DSTYK: variants seen among roughly 807,000 people sequenced by gnomAD.
DSTYK encodes the protein dual serine/threonine and tyrosine protein kinase, also known as RIP-homologous kinase.
Under a neutral mutation model 98.7 loss-of-function variants are expected in DSTYK, and 34 were observed. The ratio of observed to expected loss-of-function variants is 0.34; its 90% confidence interval spans 0.26 to 0.46. DSTYK has a LOEUF of 0.46. Ranked by LOEUF, DSTYK falls within the 20% of genes least tolerant of loss-of-function variation. The pLI is 1.00. For synonymous variants in DSTYK, 462 were observed against 457.3 expected, an observed-to-expected ratio of 1.01 and a Z score of -0.13; for missense variants, 962 against 1,181.7, an observed-to-expected ratio of 0.81 and a Z score of 2.73.
chr1:205,186,038 A>G (rs1177526331), intron 2 of DSTYK, among the ~76,000 whole-genome samples: 1 of 152,074 alleles, frequency 6.6e-6, no homozygotes, highest in African/African-American at 2.4e-5. Context: ...AGAAAAAAAG[A>G]AAAGAAAAAA....
intron 2 of DSTYK, chr1:205,173,035 A>G (rs1300388057): frequency 6.6e-6 from 1 of 152,238 alleles, no homozygotes; most frequent in Non-Finnish European, 1.5e-5. Context: ...TAGAACATAC[A>G]ACTGCATAAA....
rs1659360480 is a variant in DSTYK, at chr1:205,211,135, GGGGACCCGGCCACACGACACGACT to G, written c.265+112_265+135del. The G allele has an allele frequency of 6.9e-6, 9 of 1,309,860 alleles. No individual in the cohort carries two copies. In the South Asian group the frequency reaches 1.4e-4, roughly 21 times the overall value. 81.1% of individuals were successfully genotyped at this position (1,309,860 alleles called of 1,614,324 possible). A position where few individuals can be genotyped will look rare whatever the true frequency, so the allele number is the denominator to read the frequency against. On this transcript the variant is annotated intron_variant, in intron 1 of 12. Transcript: ENST00000367162. ...TCCCAGATCCGGCCGGCCCATGCCC[GGGGACCCGGCCACACGACACGACT>G]GCCCCTTTCCGCCTGCCCGAGAAGA...
At chr1:205,161,464 A>C in intron 6 of DSTYK, 77 bp from the exon 7 acceptor site, 1 of 1,406,188 alleles carries the variant, frequency 7.1e-7, no homozygotes, top group Non-Finnish European at 9.8e-7. Context: ...CAGGGATAAT[A>C]ATATCTACTT....
At chr1:205,154,673 G>T (rs774093156) in intron 10 of DSTYK, among the ~76,000 whole-genome samples, 2 of 152,188 alleles carry the variant, frequency 1.3e-5, no homozygotes, top group Non-Finnish European at 2.9e-5. Flanking sequence ...AGCGACTTTG[G>T]AACTGAGTAA....
chr1:205,164,083 G>A (rs1016892722), intron 3 of DSTYK, 128 bp from the exon 4 acceptor site: 24 of 744,158 alleles, frequency 3.2e-5, no homozygotes, highest in Non-Finnish European at 4.9e-5. Flanking sequence ...GACATGATTC[G>A]TTGATGATGT....
In DSTYK at chr1:205,150,824, T is replaced by C; in HGVS notation, c.2353-30A>G. 4 of 1,578,468 alleles carry C rather than the reference T, an allele frequency of 2.5e-6. No individual in the cohort carries two copies. The highest frequency in any genetic ancestry group is 3.5e-6 in the Non-Finnish European group (4 of 1,147,770). ...CAACAAAGCAGGGCAAGAGTCACCT[T>C]GTTTCTGATCCTGCACACAGCACTG... On this transcript the variant is annotated intron_variant, in intron 10 of 12. Transcript: ENST00000367162. This position sits in a 1 kb window ranked among gnomAD's most constrained non-coding sequence, Gnocchi z 4.1.
At chr1:205,158,681 C>G (rs1175508310) in intron 9 of DSTYK, among the ~76,000 whole-genome samples, 2 of 152,222 alleles carry the variant, frequency 1.3e-5, no homozygotes, top group African/African-American at 4.8e-5. Flanking sequence ...TTCGAATGCT[C>G]TAGGCATTAA....
chr1:205,179,363 G>C (rs912501427), intron 2 of DSTYK, among the ~76,000 whole-genome samples: 5 of 152,076 alleles, frequency 3.3e-5, no homozygotes, highest in African/African-American at 1.2e-4. Flanking sequence ...GCTCATGCCT[G>C]TACTCCCAGC....
At chr1:205,158,560 C>G (rs1657625480) in intron 9 of DSTYK, among the ~76,000 whole-genome samples, 1 of 152,188 alleles carries the variant, frequency 6.6e-6, no homozygotes, top group Non-Finnish European at 1.5e-5. Context: ...TATGGAAATT[C>G]TTAACATTTT....
At chr1:205,178,313 A>G (rs1456334819) in intron 2 of DSTYK, among the ~76,000 whole-genome samples, 1 of 152,086 alleles carries the variant, frequency 6.6e-6, no homozygotes, top group African/African-American at 2.4e-5. Flanking sequence ...CGACAAGTTG[A>G]TAAGAATATA....
intron 2 of DSTYK, among the ~76,000 whole-genome samples, chr1:205,175,096 G>A (rs540773844): frequency 7.1e-6 from 1 of 140,922 alleles, no homozygotes. Context: ...CCACAAAGAA[G>A]CTGCCCTTTT....
In DSTYK at chr1:205,169,520, G is replaced by A; in HGVS notation, c.967C>T (p.Pro323Ser). ...CTCTGAGCTTTAGTATCCTGGCCAG[G>A]AGCCCCACAGTTCCAGTGACTGCTG... ...LSSSHWNCGA[P>S]GQDTKAQSML... Residue 323 changes from proline to serine, a missense_variant, in exon 3 of 13, where the codon CCT (proline) becomes TCT (serine). Physicochemically the swap from Pro to Ser is moderately conservative, Grantham distance 74 (BLOSUM62 -1). Around this residue, in one of 4 missense-constraint regions of DSTYK, gnomAD observed 660 missense variants for 855.0 expected, o/e 0.77. Coordinates refer to ENST00000367162, the MANE Select transcript of DSTYK (RefSeq NM_015375.3). The surrounding 1 kb of genome is among the most constrained non-coding windows in gnomAD (Gnocchi z 4.0). The A allele has an allele frequency of 3.1e-6, 5 of 1,614,094 alleles. No individual in the cohort carries two copies. Among genetic ancestry groups the A allele is most frequent in the Non-Finnish European group, 4.2e-6 (5 of 1,180,034 alleles).
At chr1:205,203,647 G>A (rs1025270122) in intron 1 of DSTYK, among the ~76,000 whole-genome samples, 28 of 150,312 alleles carry the variant, frequency 1.9e-4, no homozygotes, top group African/African-American at 6.4e-4. Flanking sequence ...TGGGCAAGGT[G>A]GCTCATGCCT....
intron 1 of DSTYK, among the ~76,000 whole-genome samples, chr1:205,189,024 G>A (rs1401810043): frequency 6.6e-6 from 1 of 151,906 alleles, no homozygotes; most frequent in Non-Finnish European, 1.5e-5. Context: ...TTACCACATT[G>A]TTACCCACAT....
chr1:205,164,690 T>C (rs576710428), intron 3 of DSTYK, among the ~76,000 whole-genome samples: 2 of 152,288 alleles, frequency 1.3e-5, no homozygotes, highest in East Asian at 3.9e-4. Context: ...CTCGATCTCC[T>C]GACCTCGTGA....
intron 1 of DSTYK, among the ~76,000 whole-genome samples, chr1:205,193,270 G>A (rs1284313733): frequency 1.3e-5 from 2 of 152,138 alleles, no homozygotes; most frequent in African/African-American, 2.4e-5. Flanking sequence ...GGAAATACTC[G>A]TGACCTGTTT....
At chr1:205,162,771 A>G in intron 5 of DSTYK, 152 bp downstream of exon 5, 1 of 621,368 alleles carries the variant, frequency 1.6e-6, no homozygotes, top group Non-Finnish European at 2.9e-6. Context: ...AAGAATAGGC[A>G]TAAACCAGAA....
chr1:205,197,058 C>G (rs553262770), intron 1 of DSTYK, among the ~76,000 whole-genome samples: 2 of 151,788 alleles, frequency 1.3e-5, no homozygotes, highest in Admixed American at 6.6e-5. Context: ...AGCCACTGCG[C>G]CTGGCCCTAA....
At chr1:205,181,173 T>C (rs1010044366) in intron 2 of DSTYK, among the ~76,000 whole-genome samples, 1 of 152,226 alleles carries the variant, frequency 6.6e-6, no homozygotes, top group African/African-American at 2.4e-5. Context: ...TTCTTTTCCC[T>C]TGGAGTTGAC....
Sources: gnomAD v4.1 joint callset for allele counts (sites outside exome capture counted in the v4.1 genomes callset) on GRCh38, gnomAD v4.1.1 for gene constraint, gnomAD v4.1.1 regional missense constraint, Gnocchi (gnomAD v3.1) non-coding constraint, MANE v1.5 for transcripts, NCBI Gene and HGNC (gene_info 2026-07-23, HGNC 2026-07-21) for gene names.